Variants in GREB1 observed in about 807,000 individuals in gnomAD.
The protein encoded by GREB1 is growth regulating estrogen receptor binding 1, also known as protein GREB1.
Under a neutral mutation model 200.7 loss-of-function variants are expected in GREB1, and 106 were observed. That is an observed-to-expected ratio of 0.53 (90% CI 0.45 to 0.62). GREB1 has a LOEUF of 0.62. Ranked by LOEUF, GREB1 falls within the 20% of genes least tolerant of loss-of-function variation. The pLI is 0.00. For missense variants in GREB1, 2,243 were observed against 2,556.8 expected, an observed-to-expected ratio of 0.88 and a Z score of 2.65; for synonymous variants, 1,132 against 1,092.4, an observed-to-expected ratio of 1.04 and a Z score of -0.72.
In GREB1 at chr2:11,600,959, C is replaced by T; in HGVS notation, c.2493C>T (p.Pro831=). 1 of 1,613,466 alleles carries T rather than the reference C, an allele frequency of 6.2e-7. No individual in the cohort carries two copies. The highest frequency in any genetic ancestry group is 2.2e-5 in the East Asian group (1 of 44,862). Residue 831 remains proline, a synonymous_variant, in exon 16 of 33, where the codon CCC becomes CCT. Coordinates refer to ENST00000381486, the MANE Select transcript of GREB1 (RefSeq NM_014668.4). ...AGACACAGCACACCCTCATCAGCCC[C>T]TACAACGAGATCCACTGGCCTGCCT... ...ALQTQHTLIS[P]YNEIHWPASC... is the part of the protein sequence containing the mutation.
At chr2:11,639,521 C>CT (rs1444143831) in intron 32 of GREB1, among the ~76,000 whole-genome samples, 2 of 152,234 alleles carry the variant, frequency 1.3e-5, no homozygotes, top group Non-Finnish European at 2.9e-5. Context: ...GCCAGTCTTC[C>CT]TCCTGTCTGC....
upstream of GREB1, among the ~76,000 whole-genome samples, chr2:11,531,369 C>T (rs1380991144): frequency 6.6e-6 from 1 of 152,180 alleles, no homozygotes; most frequent in East Asian, 1.9e-4. Flanking sequence ...TTCCTTTCAT[C>T]TGTTCCACGT....
rs774662476 is a variant in GREB1, at chr2:11,585,228, T to C, written c.969T>C (p.Ala323=). The C allele has an allele frequency of 6.3e-7, 1 of 1,578,274 alleles. No homozygotes were observed. The highest frequency in any genetic ancestry group is 2.3e-5 in the East Asian group (1 of 43,896). The change falls in exon 8 of 33, where the codon GCT becomes GCC. Residue 323 remains alanine, a synonymous_variant. Coordinates refer to ENST00000381486, the MANE Select transcript of GREB1 (RefSeq NM_014668.4). ...GGTGGTCTCCAGAATCTCCATCAGC[T>C]CCAGATGGTGGCTGCCCCCAAGGTG... ...HKGWSPESPS[A]PDGGCPQGGG...
At chr2:11,499,214 C>T (rs1237875190) in intron 1 of GREB1, among the ~76,000 whole-genome samples, 1 of 152,192 alleles carries the variant, frequency 6.6e-6, no homozygotes, top group East Asian at 1.9e-4. Context: ...TTTTCAATGG[C>T]TGAATCTGGA....
chr2:11,551,367 A>G (rs1019274013), intron 1 of GREB1, among the ~76,000 whole-genome samples: 13 of 152,216 alleles, frequency 8.5e-5, no homozygotes, highest in Admixed American at 1.3e-4. Flanking sequence ...CAAAGGTCCT[A>G]TTGAAAGAGT....
chr2:11,498,545 T>C (rs1672947948), intron 1 of GREB1, among the ~76,000 whole-genome samples: 1 of 151,828 alleles, frequency 6.6e-6, no homozygotes, highest in Non-Finnish European at 1.5e-5. Context: ...CCACAAAGAG[T>C]GTTCAGCTTC....
At chr2:11,509,038 C>A (rs2148445040) in intron 1 of GREB1, among the ~76,000 whole-genome samples, 1 of 151,980 alleles carries the variant, frequency 6.6e-6, no homozygotes, top group South Asian at 2.1e-4. Flanking sequence ...CCACGCCCGG[C>A]TAATTTTTTT....
chr2:11,587,322 G>T, intron 9 of GREB1: 2 of 1,248,098 alleles, frequency 1.6e-6, no homozygotes, highest in Non-Finnish European at 2.4e-6. Flanking sequence ...CCTCTTTTAT[G>T]ACAAATGTCA....
rs116369836 is a variant in GREB1 at position 11,628,928 on chromosome 2, G to A, written c.4450-1020G>A. Reference sequence around the variant, plus strand: ...TGAAACCAGCTGGTGCGGGTGCAGAGGCCGCGTGGCCCCCTGGCTGCCCTC... The same window carrying A: ...TGAAACCAGCTGGTGCGGGTGCAGAAGCCGCGTGGCCCCCTGGCTGCCCTC... On this transcript the variant is annotated intron_variant, in intron 25 of 32. Transcript: ENST00000381486. Among the ~76,000 whole-genome samples, 1,053 of 152,316 alleles carry A rather than the reference G, an allele frequency of 6.9e-3. 8 individuals carry two copies. The highest frequency in any genetic ancestry group is 0.024 in the African/African-American group (1,000 of 41,568).
chr2:11,495,069 C>T (rs780892133), intron 1 of GREB1, among the ~76,000 whole-genome samples: 27 of 152,158 alleles, frequency 1.8e-4, no homozygotes, highest in Non-Finnish European at 2.1e-4. Flanking sequence ...CCCCTGCCCC[C>T]GGTGACATTG....
At position 11,562,443 on chromosome 2, in the gene GREB1, A is replaced by G; in HGVS notation, c.158-20A>G. 2 of 1,608,830 alleles carry G rather than the reference A, an allele frequency of 1.2e-6. No individual in the cohort carries two copies. The highest frequency in any genetic ancestry group is 1.7e-5 in the Admixed American group (1 of 59,364). On this transcript the variant is annotated intron_variant, in intron 2 of 32. Transcript: ENST00000381486. The stretch of plus-strand genomic sequence containing the variant: ...CCAGACAGCAGCTGCCTTGCTCATC[A>G]CTCTTCTTCCCGCATCTAGGTGGTA...
chr2:11,521,066 G>A (rs755688080), intron 1 of GREB1, among the ~76,000 whole-genome samples: 2 of 152,166 alleles, frequency 1.3e-5, no homozygotes, highest in Non-Finnish European at 2.9e-5. Flanking sequence ...AGGCAACTCA[G>A]CACTCACCCA....
chr2:11,526,520 C>T (rs1047308451), intron 1 of GREB1, among the ~76,000 whole-genome samples: 1 of 151,512 alleles, frequency 6.6e-6, no homozygotes, highest in African/African-American at 2.4e-5. Context: ...TGCCTTCTTC[C>T]CATATCTTGT....
intron 17 of GREB1, among the ~76,000 whole-genome samples, chr2:11,604,891 G>T (rs761114394): frequency 6.6e-6 from 1 of 152,204 alleles, no homozygotes; most frequent in Non-Finnish European, 1.5e-5. Context: ...TGCCATAAAC[G>T]CCAGCATACG....
chr2:11,609,242 TTTTA>T (rs60473726), intron 17 of GREB1, among the ~76,000 whole-genome samples: 2,872 of 136,898 alleles, frequency 0.021, 93 homozygotes, highest in African/African-American at 0.072. Flanking sequence ...GGCATTATTA[TTTTA>T]TTTATTTATT....
chr2:11,571,373 A>G (rs111372999), intron 4 of GREB1, among the ~76,000 whole-genome samples: 266 of 151,986 alleles, frequency 1.8e-3, no homozygotes, highest in African/African-American at 6.0e-3. Context: ...TTCCTAAATT[A>G]CTCCTGCTGT....
chr2:11,542,797 T>C (rs550099933), intron 1 of GREB1: 3 of 152,648 alleles, frequency 2.0e-5, no homozygotes, highest in East Asian at 3.9e-4. Context: ...TCTGGCTTTG[T>C]TTGGAGCAGA....
chr2:11,495,292 C>G (rs1672856078), intron 1 of GREB1, among the ~76,000 whole-genome samples: 1 of 152,168 alleles, frequency 6.6e-6, no homozygotes, highest in African/African-American at 2.4e-5. Flanking sequence ...AATGTAAGGA[C>G]TAGGATACAC....
intron 7 of GREB1, among the ~76,000 whole-genome samples, chr2:11,582,569 G>A (rs1400312364): frequency 1.3e-5 from 2 of 152,218 alleles, no homozygotes; most frequent in Middle Eastern, 3.2e-3. Context: ...GAGCTCACGG[G>A]GCTCCCAGCC....
Sources: gnomAD v4.1 joint callset for allele counts (sites outside exome capture counted in the v4.1 genomes callset) on GRCh38, gnomAD v4.1.1 for gene constraint, MANE v1.5 for transcripts, NCBI Gene and HGNC (gene_info 2026-07-23, HGNC 2026-07-21) for gene names.